Variants in DNAI4 observed in about 807,000 individuals in gnomAD.
The protein encoded by DNAI4 is dynein axonemal intermediate chain 4, also known as WD repeat domain 78.
Under a neutral mutation model 105.8 loss-of-function variants are expected in DNAI4, and 85 were observed. The observed-to-expected ratio is 0.80, with a 90% CI of 0.67 to 0.96. The LOEUF (loss-of-function observed/expected upper bound fraction) is 0.96. Ranked by LOEUF, DNAI4 falls within the 40% of genes least tolerant of loss-of-function variation. The pLI, the probability that DNAI4 is intolerant of heterozygous loss-of-function variation, is 0.00. For synonymous variants in DNAI4, 352 were observed against 331.5 expected (o/e 1.06, Z -0.67); for missense variants, 1,014 against 1,005.6 (o/e 1.01, Z -0.11).
intron 4 of DNAI4, among the ~76,000 whole-genome samples, chr1:66,875,817 T>C (rs1280924669): frequency 6.6e-6 from 1 of 152,082 alleles, no homozygotes; most frequent in African/African-American, 2.4e-5. Context: ...AAGTTATTAA[T>C]TCCAAAAACC....
At chr1:66,814,228 A>G (rs1203025459) in intron 16 of DNAI4, 48 bp from the exon 17 acceptor site, 2 of 1,443,834 alleles carry the variant, frequency 1.4e-6, no homozygotes, top group Non-Finnish European at 1.9e-6. Flanking sequence ...ATGCAAATTA[A>G]AAGGTAAAGT....
rs1279349470 is a variant in DNAI4 at position 66,874,880 on chromosome 1, T to C, written c.701A>G (p.Lys234Arg). 2 of 1,613,426 alleles carry C rather than the reference T, an allele frequency of 1.2e-6. No homozygotes were observed. The highest frequency in any genetic ancestry group is 1.7e-5 in the Admixed American group (1 of 59,926). The change falls in exon 5 of 17, where the codon AAG becomes AGG. Residue 234 changes from lysine (K) to arginine (R), a missense_variant. Transcript: ENST00000371026. Reference protein sequence around the residue: ...EKIVTKEDLEKNIEIILTETE... With the variant: ...EKIVTKEDLERNIEIILTETE... The stretch of plus-strand genomic sequence containing the variant: ...CTCTGTGAGTATTATCTCTATATTC[T>C]TCTCCAGGTCTTCTTTTGTTACAAT...
chr1:66,832,161 G>A (rs111895310), intron 13 of DNAI4, among the ~76,000 whole-genome samples: 11 of 152,254 alleles, frequency 7.2e-5, no homozygotes, highest in African/African-American at 2.6e-4. Context: ...GAGAACTAGA[G>A]TCAAAGTTAA....
At chr1:66,836,144 G>C (rs1473776941) in intron 10 of DNAI4, among the ~76,000 whole-genome samples, 1 of 18,128 alleles carries the variant, frequency 5.5e-5, no homozygotes, top group African/African-American at 1.8e-4. Flanking sequence ...AGAAAGAAAA[G>C]AAAGAAAGAA....
At chr1:66,913,916 G>A (rs1293088557) in intron 1 of DNAI4, among the ~76,000 whole-genome samples, 6 of 151,392 alleles carry the variant, frequency 4.0e-5, no homozygotes, top group Non-Finnish European at 7.4e-5. Flanking sequence ...CGGAGCAGGC[G>A]GAGGTTGCAG....
chr1:66,865,754 A>G (rs1646719648), intron 6 of DNAI4, among the ~76,000 whole-genome samples: 1 of 152,208 alleles, frequency 6.6e-6, no homozygotes, highest in Non-Finnish European at 1.5e-5. Context: ...CCTCAGCCAG[A>G]AATGACCGAG....
At chr1:66,835,912 T>C in intron 10 of DNAI4, 135 bp from the exon 11 acceptor site, 1 of 706,012 alleles carries the variant, frequency 1.4e-6, no homozygotes, top group Admixed American at 2.7e-5. Context: ...ACTTCTGTCT[T>C]CCTAATTTCC....
At chr1:66,913,279 T>G (rs1005846250) in intron 1 of DNAI4, among the ~76,000 whole-genome samples, 1 of 152,116 alleles carries the variant, frequency 6.6e-6, no homozygotes, top group Non-Finnish European at 1.5e-5. Context: ...TGTTGGGGAT[T>G]TTTGTTGTTG....
intron 1 of DNAI4, 114 bp from the exon 2 acceptor site, chr1:66,905,489 C>G: frequency 3.3e-6 from 2 of 607,188 alleles, no homozygotes; most frequent in Non-Finnish European, 5.0e-6. Context: ...AAACATATAA[C>G]AAGAAATAAT....
rs1402770404 is a variant in DNAI4 at position 66,833,969 on chromosome 1, T to C, written c.1891+22A>G. On this transcript the variant is annotated intron_variant, in intron 12 of 16. Transcript: ENST00000371026. ...TTAATTCAGCACGTAACAAGAAAAA[T>C]ATAACTTGATTTTTCTTTTACCATA... 2.5e-6 allele frequency: 4 copies of C among 1,568,810 alleles called. No individual in the cohort carries two copies. In the South Asian group the frequency reaches 3.6e-5, roughly 14 times the overall value.
chr1:66,919,596 C>T (rs1227617790), intron 1 of DNAI4, among the ~76,000 whole-genome samples: 1 of 152,204 alleles, frequency 6.6e-6, no homozygotes, highest in African/African-American at 2.4e-5. Flanking sequence ...CATGTGCCCA[C>T]AAAGTTCTCA....
chr1:66,860,272 A>G (rs534843077), intron 7 of DNAI4, among the ~76,000 whole-genome samples: 32 of 152,246 alleles, frequency 2.1e-4, no homozygotes, highest in African/African-American at 7.7e-4. Flanking sequence ...CCCCTTGAGT[A>G]TGATAAATAG....
chr1:66,821,085 ATTTCTCT>A (rs1190776338), intron 16 of DNAI4, among the ~76,000 whole-genome samples: 2 of 129,554 alleles, frequency 1.5e-5, no homozygotes, highest in Non-Finnish European at 3.2e-5. Flanking sequence ...TTCTCTAAAC[ATTTCTCT>A]TTTTTTTTTT....
At chr1:66,896,818 G>C (rs898961832) in intron 2 of DNAI4, among the ~76,000 whole-genome samples, 1 of 152,056 alleles carries the variant, frequency 6.6e-6, no homozygotes, top group Non-Finnish European at 1.5e-5. Context: ...ATATTCTTTT[G>C]TTTATAAATT....
rs529364212 is a variant in DNAI4 at position 66,837,364 on chromosome 1, CAAAAA to C, written c.1581+341_1581+345del. 4.8e-5 allele frequency among the ~76,000 whole-genome samples: 4 copies of C among 82,540 alleles called. No homozygotes were observed. The East Asian group carries it at 1.3e-3, about 27-fold the overall frequency. 54.1% of individuals were successfully genotyped at this position (82,540 alleles called of 152,430 possible). On this transcript the variant is annotated intron_variant, in intron 10 of 16. Transcript: ENST00000371026. ...TGGGCGACAATGTAAGACTCTGTCTCAAAAAAAAAAAAAAAAAAAACATAATTTTC... is the reference window on the plus strand; with the variant it reads ...TGGGCGACAATGTAAGACTCTGTCTCAAAAAAAAAAAAAAACATAATTTTC...
At chr1:66,833,959 A>G in intron 12 of DNAI4, 32 bp downstream of exon 12, 20 of 1,563,834 alleles carry the variant, frequency 1.3e-5, no homozygotes, top group Non-Finnish European at 1.7e-5. Flanking sequence ...TCAGCACGTA[A>G]CAAGAAAAAT....
intron 1 of DNAI4, among the ~76,000 whole-genome samples, chr1:66,922,492 G>A (rs1650566137): frequency 1.3e-5 from 2 of 152,158 alleles, no homozygotes; most frequent in South Asian, 4.1e-4. Context: ...AGATCCTGTG[G>A]GGCCCTGTAA....
intron 2 of DNAI4, among the ~76,000 whole-genome samples, chr1:66,894,260 T>C (rs1648119251): frequency 6.6e-6 from 1 of 152,158 alleles, no homozygotes; most frequent in African/African-American, 2.4e-5. Context: ...GGACAAAATG[T>C]GGAGGCAGAA....
chr1:66,842,302 G>A (rs1026359160), intron 8 of DNAI4, among the ~76,000 whole-genome samples: 1 of 152,172 alleles, frequency 6.6e-6, no homozygotes, highest in African/African-American at 2.4e-5. Flanking sequence ...CAGGTTTGGT[G>A]TGGACACAGT....
Sources: allele counts gnomAD v4.1 joint callset (sites outside exome capture counted in the v4.1 genomes callset), GRCh38; gene constraint gnomAD v4.1.1; transcripts MANE v1.5; gene names NCBI Gene and HGNC (gene_info 2026-07-23, HGNC 2026-07-21).